FMN2: variants seen among roughly 807,000 people sequenced by gnomAD.
FMN2 encodes formin 2.
In FMN2, 51 loss-of-function variants were observed where a neutral mutation model predicts 142.3. The observed-to-expected ratio is 0.36, with a 90% CI of 0.29 to 0.45. FMN2 has a LOEUF of 0.45. Among genes scored for constraint, FMN2 ranks in the 20% least tolerant of loss-of-function variants. The pLI, the probability that FMN2 is intolerant of heterozygous loss-of-function variation, is 1.00. For missense variants in FMN2, 1,936 were observed against 2,122.8 expected (o/e 0.91, Z 1.73); for synonymous variants, 882 against 869.8 (o/e 1.01, Z -0.25).
intron 8 of FMN2, among the ~76,000 whole-genome samples, chr1:240,295,839 A>G (rs79467715): frequency 0.066 from 10,119 of 152,266 alleles, 425 homozygotes; most frequent in East Asian, 0.13. Context: ...CAACACCTAC[A>G]CTGCTTTCTA....
At chr1:240,128,960 G>A (rs1662626248) in intron 2 of FMN2, among the ~76,000 whole-genome samples, 1 of 151,974 alleles carries the variant, frequency 6.6e-6, no homozygotes, top group African/African-American at 2.4e-5. Flanking sequence ...TGCAACCTCC[G>A]CCTCTTGGGT....
chr1:240,095,320 AATTT>A (rs1412390602), intron 1 of FMN2, among the ~76,000 whole-genome samples: 5 of 151,882 alleles, frequency 3.3e-5, no homozygotes, highest in Admixed American at 6.6e-5. Flanking sequence ...AGACTTTGGA[AATTT>A]ATTTATTTCA....
intron 8 of FMN2, among the ~76,000 whole-genome samples, chr1:240,319,846 G>C (rs1004408134): frequency 6.6e-6 from 1 of 152,112 alleles, no homozygotes; most frequent in Non-Finnish European, 1.5e-5. Flanking sequence ...GCAGAAATGG[G>C]TATCAATTCA....
In FMN2 at chr1:240,257,961, G is replaced by A. The variant is rs1481247008; in HGVS notation, c.4082G>A (p.Ser1361Asn). The change falls in exon 7 of 18, where the codon AGC (serine) becomes AAC (asparagine). Residue 1361 changes from serine to asparagine, a missense_variant. This residue lies in a region of FMN2 where 259 missense variants were observed against 230.9 expected (regional missense o/e 1.12). Transcript: ENST00000319653. ...TKAKQVVKLL[S>N]NKRSQAVGIL... ...CTCGAGCAGGTTGTCAAGTTATTAA[G>A]CAACAAAAGATCACAAGCAGTTGGA... is the stretch of plus-strand genomic sequence containing the variant. 6.2e-7 allele frequency: 1 copy of A among 1,612,762 alleles called. No homozygotes were observed. Among genetic ancestry groups the A allele is most frequent in the South Asian group, 1.1e-5 (1 of 90,724 alleles).
At chr1:240,104,160 G>A (rs936105703) in intron 1 of FMN2, among the ~76,000 whole-genome samples, 1 of 150,866 alleles carries the variant, frequency 6.6e-6, no homozygotes, top group Admixed American at 6.6e-5. Context: ...TTACAGGCGT[G>A]AGCCACCGTG....
At chr1:240,394,744 A>G (rs2883884) in intron 15 of FMN2, among the ~76,000 whole-genome samples, 82,848 of 151,910 alleles carry the variant, frequency 0.55, 24,049 homozygotes, top group African/African-American at 0.75. Context: ...AAGACGGGTG[A>G]ATCACCTGAG....
chr1:240,340,550 C>T (rs1376119525), intron 13 of FMN2, among the ~76,000 whole-genome samples: 1 of 152,142 alleles, frequency 6.6e-6, no homozygotes, highest in East Asian at 1.9e-4. Context: ...CACTGCACTC[C>T]AGCCTGGATG....
chr1:240,197,024 C>T (rs1010088545), intron 4 of FMN2, among the ~76,000 whole-genome samples: 6 of 152,126 alleles, frequency 3.9e-5, no homozygotes, highest in Admixed American at 3.9e-4. Context: ...TTTTTATATG[C>T]TACTGTTTGT....
At chr1:240,129,625 C>T (rs1362001600) in intron 2 of FMN2, among the ~76,000 whole-genome samples, 3 of 151,708 alleles carry the variant, frequency 2.0e-5, no homozygotes, top group South Asian at 4.2e-4. Flanking sequence ...GCCTCAGCCT[C>T]CTGAGTAGCT....
intron 6 of FMN2, among the ~76,000 whole-genome samples, chr1:240,229,588 C>T (rs1253639327): frequency 6.6e-6 from 1 of 152,164 alleles, no homozygotes; most frequent in Non-Finnish European, 1.5e-5. Flanking sequence ...GGAATTGTTT[C>T]ATGTGATGAT....
chr1:240,243,345 T>G (rs1409266873), intron 6 of FMN2, among the ~76,000 whole-genome samples: 2 of 152,160 alleles, frequency 1.3e-5, no homozygotes, highest in African/African-American at 2.4e-5. Flanking sequence ...GTAAGAAAAC[T>G]GAATCCAAAT....
intron 8 of FMN2, among the ~76,000 whole-genome samples, chr1:240,315,765 A>G (rs4233480): frequency 0.54 from 82,777 of 152,018 alleles, 23,381 homozygotes; most frequent in African/African-American, 0.69. Context: ...TGTGTGAGTC[A>G]GTGGACCATA....
At chr1:240,429,677 T>C (rs1318514651) in intron 15 of FMN2, among the ~76,000 whole-genome samples, 1 of 152,192 alleles carries the variant, frequency 6.6e-6, no homozygotes, top group Non-Finnish European at 1.5e-5. Flanking sequence ...ATGGCGTGTA[T>C]AATTTTGGCT....
At chr1:240,221,423 G>A (rs553520980) in intron 6 of FMN2, among the ~76,000 whole-genome samples, 37 of 152,148 alleles carry the variant, frequency 2.4e-4, no homozygotes, top group Non-Finnish European at 4.4e-4. Flanking sequence ...ACTGGCATGA[G>A]ATGGTATCTC....
intron 15 of FMN2, among the ~76,000 whole-genome samples, chr1:240,432,040 A>C (rs115482620): frequency 6.6e-4 from 101 of 152,046 alleles, no homozygotes; most frequent in African/African-American, 2.3e-3. Flanking sequence ...GAGTTAGTGT[A>C]AGATTGGCTT....
At chr1:240,156,118 G>C (rs558354860) in intron 2 of FMN2, among the ~76,000 whole-genome samples, 2 of 151,956 alleles carry the variant, frequency 1.3e-5, no homozygotes, top group Non-Finnish European at 2.9e-5. Flanking sequence ...AGGCACAGTG[G>C]TGCATACCTA....
At chr1:240,386,156 T>G (rs1673399339) in intron 14 of FMN2, among the ~76,000 whole-genome samples, 1 of 152,172 alleles carries the variant, frequency 6.6e-6, no homozygotes, top group South Asian at 2.1e-4. Flanking sequence ...TAAATTTACC[T>G]GACTTTTAGT....
intron 8 of FMN2, among the ~76,000 whole-genome samples, chr1:240,307,372 T>A (rs1290549036): frequency 6.6e-6 from 1 of 152,188 alleles, no homozygotes; most frequent in Non-Finnish European, 1.5e-5. Context: ...GTTTTTATAG[T>A]TTGAGGTCTT....
At chr1:240,158,271 T>G (rs185074163) in intron 2 of FMN2, among the ~76,000 whole-genome samples, 1 of 152,160 alleles carries the variant, frequency 6.6e-6, no homozygotes, top group East Asian at 1.9e-4. Context: ...AGCATAAGCT[T>G]TGTGTATTAC....
Sources: allele counts gnomAD v4.1 joint callset (sites outside exome capture counted in the v4.1 genomes callset), GRCh38; gene constraint gnomAD v4.1.1; regional missense constraint gnomAD v4.1.1; transcripts MANE v1.5; gene names NCBI Gene and HGNC (gene_info 2026-07-23, HGNC 2026-07-21).